Variants in LHFPL2 observed in about 807,000 individuals in gnomAD.
LHFPL2 encodes the protein LHFPL tetraspan subfamily member 2, also known as LHFPL tetraspan subfamily member 2 protein.
Under a neutral mutation model 17.5 loss-of-function variants are expected in LHFPL2, and 7 were observed. That is an observed-to-expected ratio of 0.40 (90% confidence interval 0.23 to 0.75). The LOEUF is 0.75. LHFPL2 is among the 30% of genes least tolerant of loss of function. LHFPL2 has a pLI of 0.37. For synonymous variants in LHFPL2, 134 were observed against 116.2 expected, an observed-to-expected ratio of 1.15 and a Z score of -0.99; for missense variants, 241 against 294.8, an observed-to-expected ratio of 0.82 and a Z score of 1.34.
intron 2 of LHFPL2, among the ~76,000 whole-genome samples, chr5:78,630,019 A>G (rs1745185387): frequency 6.6e-6 from 1 of 152,132 alleles, no homozygotes; most frequent in South Asian, 2.1e-4. Flanking sequence ...GAACTAAACC[A>G]CTTCTTGGAC....
At chr5:78,512,343 A>G (rs1755157164) in intron 3 of LHFPL2, among the ~76,000 whole-genome samples, 1 of 151,068 alleles carries the variant, frequency 6.6e-6, no homozygotes, top group Non-Finnish European at 1.5e-5. Flanking sequence ...TATATTGGAT[A>G]TACCTTCTGG....
chr5:78,511,057 A>C (rs1755105715), intron 3 of LHFPL2, among the ~76,000 whole-genome samples: 1 of 152,154 alleles, frequency 6.6e-6, no homozygotes, highest in African/African-American at 2.4e-5. Flanking sequence ...CATTTTTCAC[A>C]GGGTGATTTT....
intron 3 of LHFPL2, among the ~76,000 whole-genome samples, chr5:78,554,904 T>C (rs1262489780): frequency 6.6e-6 from 1 of 152,216 alleles, no homozygotes; most frequent in Non-Finnish European, 1.5e-5. Flanking sequence ...TAAAAAAACT[T>C]ACCCCTGGGG....
intron 3 of LHFPL2, among the ~76,000 whole-genome samples, chr5:78,510,964 AGT>A (rs146412971): frequency 0.069 from 10,523 of 152,276 alleles, 514 homozygotes; most frequent in Non-Finnish European, 0.11. Context: ...CAGAGACATA[AGT>A]GTGTTTGCTT....
chr5:78,554,198 G>A (rs1293206059), intron 3 of LHFPL2, among the ~76,000 whole-genome samples: 3 of 152,378 alleles, frequency 2.0e-5, no homozygotes, highest in East Asian at 3.9e-4. Flanking sequence ...GACACTGTGC[G>A]CGCCTGCTGC....
rs983527820 is a variant in LHFPL2 at position 78,487,991 on chromosome 5, C to A, written c.*906G>T. The A allele has an allele frequency of 4.6e-5, 7 of 151,848 alleles. No homozygotes were observed. Among genetic ancestry groups the A allele is most frequent in the Non-Finnish European group, 1.0e-4 (7 of 67,980 alleles). The allele number at this position is 151,848 out of a possible 1,614,324, so 9.4% of individuals were successfully genotyped here. ...CCCAAGTGCCGAGATTCTGGCAGGTCCTCCCAGTGAACATCTGCATAAGCC... is the reference window on the plus strand; with the variant it reads ...CCCAAGTGCCGAGATTCTGGCAGGTACTCCCAGTGAACATCTGCATAAGCC... On this transcript the variant is annotated 3_prime_UTR_variant, in exon 5 of 5. Coordinates refer to ENST00000380345, the MANE Select transcript of LHFPL2 (RefSeq NM_005779.3).
At chr5:78,581,856 G>A (rs1173229807) in intron 2 of LHFPL2, among the ~76,000 whole-genome samples, 6 of 152,358 alleles carry the variant, frequency 3.9e-5, no homozygotes, top group Non-Finnish European at 7.3e-5. Flanking sequence ...AATAGTTTCA[G>A]AAGGAGTGGT....
At chr5:78,605,618 G>A (rs923842104) in intron 2 of LHFPL2, among the ~76,000 whole-genome samples, 3 of 152,126 alleles carry the variant, frequency 2.0e-5, no homozygotes, top group African/African-American at 7.2e-5. Context: ...TCAAAGATAA[G>A]GCAGTACCTT....
intron 3 of LHFPL2, among the ~76,000 whole-genome samples, chr5:78,538,082 C>T (rs540011953): frequency 1.3e-5 from 2 of 152,178 alleles, no homozygotes; most frequent in African/African-American, 2.4e-5. Flanking sequence ...CCTAGTCCTG[C>T]GGCATCTCAG....
intron 2 of LHFPL2, among the ~76,000 whole-genome samples, chr5:78,567,754 A>G (rs775618499): frequency 2.0e-5 from 3 of 152,170 alleles, no homozygotes; most frequent in Middle Eastern, 6.8e-3. Flanking sequence ...AAATCCGTAT[A>G]CATGATCACA....
chr5:78,590,147 C>T (rs924028995), intron 2 of LHFPL2: 3 of 152,120 alleles, frequency 2.0e-5, no homozygotes, highest in African/African-American at 7.2e-5. Context: ...TACTAGAGCT[C>T]GTTCCTCATG....
At chr5:78,609,275 AC>A (rs1004347634) in intron 2 of LHFPL2, among the ~76,000 whole-genome samples, 3 of 151,840 alleles carry the variant, frequency 2.0e-5, no homozygotes, top group African/African-American at 7.3e-5. Context: ...ACATGGTGAA[AC>A]CCTGTCCCTA....
At chr5:78,548,228 T>C (rs1320042358) in intron 3 of LHFPL2, among the ~76,000 whole-genome samples, 1 of 152,242 alleles carries the variant, frequency 6.6e-6, no homozygotes, top group Non-Finnish European at 1.5e-5. Context: ...GCCTCCCAGC[T>C]ACGGTACATA....
chr5:78,583,156 T>C (rs577516418), intron 2 of LHFPL2, among the ~76,000 whole-genome samples: 1 of 151,750 alleles, frequency 6.6e-6, no homozygotes, highest in Admixed American at 6.6e-5. Flanking sequence ...TCCATCCTTT[T>C]ATTTTGAGCC....
rs368535078 is a variant in LHFPL2, at chr5:78,572,067, T to C, written c.-244-7196A>G. Reference sequence around the variant, plus strand: ...TGGGGGGAAAGGAGATCAGACGAGATAGGGAGGACATTTTGCTCTGTTGAA... The same window carrying C: ...TGGGGGGAAAGGAGATCAGACGAGACAGGGAGGACATTTTGCTCTGTTGAA... On this transcript the variant is annotated intron_variant, in intron 2 of 4. Coordinates refer to ENST00000380345, the MANE Select transcript of LHFPL2 (RefSeq NM_005779.3). Among the ~76,000 whole-genome samples the C allele has an allele frequency of 5.3e-5, 8 of 152,110 alleles. 1 individual carries two copies. The highest frequency in any genetic ancestry group is 1.7e-4 in the African/African-American group (7 of 41,516).
intron 4 of LHFPL2, among the ~76,000 whole-genome samples, chr5:78,490,383 A>G (rs1011066097): frequency 6.6e-6 from 1 of 152,140 alleles, no homozygotes; most frequent in African/African-American, 2.4e-5. Flanking sequence ...CAAAAAAGCC[A>G]GAGGCCTGAA....
At chr5:78,502,859 A>G (rs1020863265) in intron 4 of LHFPL2, among the ~76,000 whole-genome samples, 6 of 152,222 alleles carry the variant, frequency 3.9e-5, no homozygotes, top group Non-Finnish European at 8.8e-5. Context: ...CACTCTGAAC[A>G]CACAGCCACT....
At chr5:78,631,102 A>T (rs1350261895) in intron 2 of LHFPL2, among the ~76,000 whole-genome samples, 1 of 152,260 alleles carries the variant, frequency 6.6e-6, no homozygotes, top group East Asian at 1.9e-4. Flanking sequence ...GTGTCGTATC[A>T]AAATGATTTA....
intron 2 of LHFPL2, among the ~76,000 whole-genome samples, chr5:78,584,527 T>C (rs1307896609): frequency 1.3e-5 from 2 of 152,180 alleles, no homozygotes; most frequent in Non-Finnish European, 2.9e-5. Context: ...TGCAGGTCTG[T>C]TGGAGTACCG....
Sources: allele counts gnomAD v4.1 joint callset (sites outside exome capture counted in the v4.1 genomes callset), GRCh38; gene constraint gnomAD v4.1.1; transcripts MANE v1.5; gene names NCBI Gene and HGNC (gene_info 2026-07-23, HGNC 2026-07-21).